Variants in EIF2B3 observed in about 807,000 individuals in gnomAD.
EIF2B3 encodes the protein eukaryotic translation initiation factor 2B subunit gamma.
In EIF2B3, 20 loss-of-function variants were observed where a neutral mutation model predicts 54.1. The observed-to-expected ratio is 0.37, with a 90% CI of 0.26 to 0.54. The LOEUF is 0.54. Among genes scored for constraint, EIF2B3 ranks in the 20% least tolerant of loss-of-function variants. The pLI, the probability that EIF2B3 is intolerant of heterozygous loss-of-function variation, is 0.86. For synonymous variants in EIF2B3, 153 were observed against 188.1 expected (o/e 0.81, Z 1.52); for missense variants, 448 against 547.8 (o/e 0.82, Z 1.82).
intron 10 of EIF2B3, among the ~76,000 whole-genome samples, chr1:44,860,178 C>G (rs1299866678): frequency 6.6e-6 from 1 of 151,912 alleles, no homozygotes; most frequent in Non-Finnish European, 1.5e-5. Context: ...GAGACAAGGT[C>G]TCACTTTGTC....
intron 5 of EIF2B3, among the ~76,000 whole-genome samples, chr1:44,918,555 A>G (rs767671784): frequency 6.6e-6 from 1 of 151,972 alleles, no homozygotes; most frequent in African/African-American, 2.4e-5. Flanking sequence ...ACACCCGGCT[A>G]ATTTTTTGTA....
At chr1:44,939,476 A>G (rs1228303712) in intron 4 of EIF2B3, among the ~76,000 whole-genome samples, 1 of 152,236 alleles carries the variant, frequency 6.6e-6, no homozygotes, top group Non-Finnish European at 1.5e-5. Context: ...ATAGTTAACA[A>G]GAGTATTGTA....
chr1:44,917,073 T>C (rs1239024164), intron 5 of EIF2B3, among the ~76,000 whole-genome samples: 1 of 152,172 alleles, frequency 6.6e-6, no homozygotes, highest in Admixed American at 6.6e-5. Context: ...AAGCCTAATT[T>C]TTTTCTTCCA....
intron 6 of EIF2B3, among the ~76,000 whole-genome samples, chr1:44,896,520 C>T (rs1430115469): frequency 6.6e-6 from 1 of 152,160 alleles, no homozygotes. Context: ...TTCTTTTCTC[C>T]AGATGGTCGG....
At position 44,981,187 on chromosome 1, in the gene EIF2B3, C is replaced by T. The variant is rs773476271; in HGVS notation, c.-9-10G>A. The stretch of plus-strand genomic sequence containing the variant: ...ATTCCATTTTTACAAACTGCAAGTA[C>T]AGAAAAAACAATTAACAGAAAAAAA... On this transcript the variant is annotated splice_polypyrimidine_tract_variant and intron_variant, in intron 1 of 11. Transcript: ENST00000360403. 7 of 1,612,468 alleles carry T rather than the reference C, an allele frequency of 4.3e-6. No individual in the cohort carries two copies. The East Asian group carries it at 6.7e-5, about 15-fold the overall frequency.
chr1:44,965,743 G>A (rs1197681380), intron 3 of EIF2B3, among the ~76,000 whole-genome samples: 1 of 149,276 alleles, frequency 6.7e-6, no homozygotes, highest in African/African-American at 2.5e-5. Context: ...GGGTTCAAGC[G>A]ATCTTCGTGC....
At chr1:44,927,778 A>G (rs1643867492) in intron 4 of EIF2B3, among the ~76,000 whole-genome samples, 1 of 152,206 alleles carries the variant, frequency 6.6e-6, no homozygotes, top group Non-Finnish European at 1.5e-5. Context: ...AAGGAAAATC[A>G]TATCTGCAAC....
intron 4 of EIF2B3, among the ~76,000 whole-genome samples, chr1:44,933,835 A>C (rs924202887): frequency 2.0e-5 from 3 of 152,108 alleles, no homozygotes; most frequent in Admixed American, 6.6e-5. Context: ...TAAATAAGAA[A>C]ATTATGGCTG....
At chr1:44,858,788 G>T (rs1285246547) in intron 10 of EIF2B3, among the ~76,000 whole-genome samples, 2 of 151,954 alleles carry the variant, frequency 1.3e-5, no homozygotes, top group Non-Finnish European at 2.9e-5. Context: ...CAGAGATAAG[G>T]TATCATTATG....
intron 5 of EIF2B3, among the ~76,000 whole-genome samples, chr1:44,903,140 G>C (rs1362772196): frequency 6.6e-6 from 1 of 152,092 alleles, no homozygotes; most frequent in Non-Finnish European, 1.5e-5. Context: ...AAAGATATAT[G>C]TACCATGAAC....
chr1:44,868,397 C>CAAAAA (rs34094245), intron 10 of EIF2B3, among the ~76,000 whole-genome samples: 136 of 65,278 alleles, frequency 2.1e-3, no homozygotes, highest in Non-Finnish European at 2.4e-3. Flanking sequence ...GACTCCGTCT[C>CAAAAA]AAAAAAAAAA....
At chr1:44,865,211 C>T (rs1194764933) in intron 10 of EIF2B3, among the ~76,000 whole-genome samples, 1 of 107,392 alleles carries the variant, frequency 9.3e-6, no homozygotes, top group Non-Finnish European at 2.1e-5. Flanking sequence ...AGCGAGACTC[C>T]ATCTTAAAAA....
chr1:44,899,728 G>A (rs1643234973), intron 5 of EIF2B3, among the ~76,000 whole-genome samples: 2 of 152,210 alleles, frequency 1.3e-5, no homozygotes, highest in South Asian at 4.1e-4. Context: ...TTTATATACT[G>A]TTGGTGGGAA....
At chr1:44,858,925 C>A (rs1309148130) in intron 10 of EIF2B3, among the ~76,000 whole-genome samples, 2 of 152,196 alleles carry the variant, frequency 1.3e-5, no homozygotes, top group South Asian at 2.1e-4. Flanking sequence ...AACTCCATTC[C>A]ACATAAAAGA....
chr1:44,913,109 TAAAAAAAAAAA>T lies in EIF2B3; in HGVS notation c.566+13508_566+13518del, dbSNP rs552977811. ...GTGCAAAAGCAATTGCGGTTTTTGT[TAAAAAAAAAAA>T]AAAAAAAAAAAAAAGGCAAAAACCG... is the stretch of plus-strand genomic sequence containing the variant. On this transcript the variant is annotated intron_variant, in intron 5 of 11. Transcript: ENST00000360403. Among the ~76,000 whole-genome samples the T allele has an allele frequency of 5.8e-5, 6 of 103,278 alleles. No homozygotes were observed. In the East Asian group the frequency reaches 1.4e-3, roughly 23 times the overall value. The allele number at this position is 103,278 out of a possible 152,430, so 67.8% of individuals were successfully genotyped here. A position where few individuals can be genotyped will look rare whatever the true frequency, so the allele number is the denominator to read the frequency against.
intron 5 of EIF2B3, among the ~76,000 whole-genome samples, chr1:44,897,848 T>A (rs183898956): frequency 6.6e-6 from 1 of 151,902 alleles, no homozygotes; most frequent in Non-Finnish European, 1.5e-5. Flanking sequence ...GCAATTCTTG[T>A]GCCTCAGCCT....
At chr1:44,879,499 A>G (rs1168236778) in intron 8 of EIF2B3, among the ~76,000 whole-genome samples, 4 of 152,074 alleles carry the variant, frequency 2.6e-5, no homozygotes, top group African/African-American at 9.7e-5. Context: ...CCTGCTTATT[A>G]TGAAGTAAGT....
chr1:44,945,506 ATC>A (rs1644090939), intron 3 of EIF2B3, among the ~76,000 whole-genome samples: 1 of 151,366 alleles, frequency 6.6e-6, no homozygotes, highest in Non-Finnish European at 1.5e-5. Context: ...GTGAGCCGAG[ATC>A]GCGCCACTGC....
chr1:44,942,408 T>TATATATACATAC (rs1644040272), intron 3 of EIF2B3, among the ~76,000 whole-genome samples: 1 of 20,572 alleles, frequency 4.9e-5, no homozygotes, highest in African/African-American at 2.5e-4. Context: ...TATATATATA[T>TATATATACATAC]ATATATATAT....
Sources: allele counts gnomAD v4.1 joint callset (sites outside exome capture counted in the v4.1 genomes callset), GRCh38; gene constraint gnomAD v4.1.1; transcripts MANE v1.5; gene names NCBI Gene and HGNC (gene_info 2026-07-23, HGNC 2026-07-21).